GPC6: variants seen among roughly 807,000 people sequenced by gnomAD.
GPC6 encodes glypican 6, also known as glypican-6.
Under a neutral mutation model 55.2 loss-of-function variants are expected in GPC6, and 14 were observed. The observed-to-expected ratio is 0.25, with a 90% confidence interval of 0.17 to 0.40. The LOEUF (loss-of-function observed/expected upper bound fraction) is 0.40, where lower values mean the gene tolerates loss of function less well. GPC6 is among the 10% of genes least tolerant of loss of function. The pLI, the probability that GPC6 is intolerant of heterozygous loss-of-function variation, is 1.00. For synonymous variants in GPC6, 278 were observed against 259.6 expected (o/e 1.07, Z -0.68); for missense variants, 641 against 708.5 (o/e 0.90, Z 1.08).
intron 4 of GPC6, among the ~76,000 whole-genome samples, chr13:94,254,848 C>G (rs1005836630): frequency 6.6e-6 from 1 of 152,074 alleles, no homozygotes; most frequent in African/African-American, 2.4e-5. Context: ...ACATTTTAAC[C>G]TTCTGTAGTC....
chr13:94,368,544 C>G (rs1056121766), intron 6 of GPC6, among the ~76,000 whole-genome samples: 1 of 152,012 alleles, frequency 6.6e-6, no homozygotes, highest in Non-Finnish European at 1.5e-5. Context: ...AAAGGGAAAA[C>G]TGATATTCTA....
intron 2 of GPC6, among the ~76,000 whole-genome samples, chr13:93,765,947 T>G (rs910022937): frequency 5.3e-5 from 8 of 152,172 alleles, no homozygotes; most frequent in Non-Finnish European, 8.8e-5. Flanking sequence ...CAACCTTGCC[T>G]CCTATGTTAG....
intron 4 of GPC6, among the ~76,000 whole-genome samples, chr13:94,192,061 AAT>A (rs1491354595): frequency 1.3e-5 from 2 of 152,130 alleles, no homozygotes; most frequent in African/African-American, 4.8e-5. Context: ...TATTAAAAAA[AAT>A]AGTTTATAGG....
chr13:93,265,146 T>G (rs1051498078), intron 1 of GPC6, among the ~76,000 whole-genome samples: 13 of 152,194 alleles, frequency 8.5e-5, no homozygotes, highest in African/African-American at 3.1e-4. Flanking sequence ...GTGAAGGACC[T>G]GAGAGGAAAT....
chr13:94,220,220 T>A (rs1890342878), intron 4 of GPC6, among the ~76,000 whole-genome samples: 1 of 152,144 alleles, frequency 6.6e-6, no homozygotes, highest in African/African-American at 2.4e-5. Context: ...CCCTCTTCCC[T>A]GGACACAGGG....
intron 1 of GPC6, among the ~76,000 whole-genome samples, chr13:93,439,701 A>AAATAAAAT (rs1877714083): frequency 6.7e-6 from 1 of 149,460 alleles, no homozygotes; most frequent in African/African-American, 2.5e-5. Flanking sequence ...AAAAAAAATA[A>AAATAAAAT]AATAAAATAA....
intron 3 of GPC6, among the ~76,000 whole-genome samples, chr13:93,863,959 T>G (rs1347409731): frequency 6.6e-6 from 1 of 151,694 alleles, no homozygotes; most frequent in Non-Finnish European, 1.5e-5. Context: ...AAAAAAGTCT[T>G]AAAATATGAC....
intron 1 of GPC6, among the ~76,000 whole-genome samples, chr13:93,349,682 T>C (rs561514898): frequency 1.3e-5 from 2 of 152,296 alleles, no homozygotes; most frequent in South Asian, 2.1e-4. Flanking sequence ...TCACTCTACA[T>C]AGAAAAATAA....
intron 1 of GPC6, among the ~76,000 whole-genome samples, chr13:93,404,055 A>G (rs1450943276): frequency 6.6e-6 from 1 of 152,152 alleles, no homozygotes; most frequent in Non-Finnish European, 1.5e-5. Flanking sequence ...TTATGAGCTA[A>G]GAGACAAAAT....
At chr13:93,245,268 C>T (rs934410774) in intron 1 of GPC6, among the ~76,000 whole-genome samples, 1 of 152,188 alleles carries the variant, frequency 6.6e-6, no homozygotes, top group East Asian at 1.9e-4. Context: ...ATTATCTATA[C>T]TTGAGCACCG....
At chr13:93,972,063 G>T (rs1880305660) in intron 3 of GPC6, among the ~76,000 whole-genome samples, 1 of 152,176 alleles carries the variant, frequency 6.6e-6, no homozygotes, top group Admixed American at 6.5e-5. Context: ...CTGGAGTCCA[G>T]CCTGGACTGT....
At chr13:94,328,413 A>T (rs908630518) in intron 6 of GPC6, among the ~76,000 whole-genome samples, 5 of 152,222 alleles carry the variant, frequency 3.3e-5, no homozygotes, top group Non-Finnish European at 5.9e-5. Context: ...ACATGGAAGG[A>T]TTCACCCTAA....
chr13:94,261,330 C>A (rs1377598631), intron 4 of GPC6, among the ~76,000 whole-genome samples: 1 of 152,108 alleles, frequency 6.6e-6, no homozygotes, highest in African/African-American at 2.4e-5. Context: ...GTTTGGGCAA[C>A]AGGGTATGAC....
At chr13:93,703,318 A>T (rs778765609) in intron 2 of GPC6, among the ~76,000 whole-genome samples, 29 of 152,022 alleles carry the variant, frequency 1.9e-4, no homozygotes, top group Admixed American at 3.9e-4. Flanking sequence ...ACCCCAGAGC[A>T]ATTACAATTG....
At position 94,306,105 on chromosome 13, in the gene GPC6, C is replaced by T. The variant is rs772590120; in HGVS notation, c.1134C>T (p.Gly378=). The change falls in exon 6 of 9, where the codon GGC becomes GGT. Residue 378 remains glycine (G), a synonymous_variant. Coordinates refer to ENST00000377047, the MANE Select transcript of GPC6 (RefSeq NM_005708.5). ...NPEERPTTAA[G]TSLDRLVTDI... is the part of the protein sequence containing the mutation. ...AGGAAAGACCAACAACTGCTGCAGGCACAAGCTTGGACCGGCTGGTGAGTA... is the reference window on the plus strand; with the variant it reads ...AGGAAAGACCAACAACTGCTGCAGGTACAAGCTTGGACCGGCTGGTGAGTA... The T allele has an allele frequency of 2.5e-6, 4 of 1,614,072 alleles. No homozygotes were observed. The highest frequency in any genetic ancestry group is 3.4e-6 in the Non-Finnish European group (4 of 1,180,032).
At chr13:94,195,350 A>G (rs1458410854) in intron 4 of GPC6, among the ~76,000 whole-genome samples, 1 of 152,232 alleles carries the variant, frequency 6.6e-6, no homozygotes, top group Non-Finnish European at 1.5e-5. Flanking sequence ...CACTTGGATT[A>G]TAAGAATACT....
chr13:94,092,698 A>G (rs577748198), intron 4 of GPC6, among the ~76,000 whole-genome samples: 3 of 151,904 alleles, frequency 2.0e-5, no homozygotes, highest in Non-Finnish European at 2.9e-5. Flanking sequence ...GTTTTGGGGA[A>G]CCTCCACACT....
intron 4 of GPC6, among the ~76,000 whole-genome samples, chr13:94,056,240 A>ATC (rs1211364522): frequency 1.3e-5 from 2 of 151,858 alleles, no homozygotes; most frequent in Non-Finnish European, 2.9e-5. Context: ...TTTAGGAACA[A>ATC]TCTCTCCCCT....
intron 4 of GPC6, among the ~76,000 whole-genome samples, chr13:94,237,292 C>T (rs1890907651): frequency 6.7e-6 from 1 of 148,964 alleles, no homozygotes; most frequent in Non-Finnish European, 1.5e-5. Flanking sequence ...CCCTTTCTTC[C>T]TCCCTTCCTT....
Sources: allele counts gnomAD v4.1 joint callset (sites outside exome capture counted in the v4.1 genomes callset), GRCh38; gene constraint gnomAD v4.1.1; transcripts MANE v1.5; gene names NCBI Gene and HGNC (gene_info 2026-07-23, HGNC 2026-07-21).